SHANK2: variants seen among roughly 807,000 people sequenced by gnomAD.
The protein encoded by SHANK2 is SH3 and multiple ankyrin repeat domains protein 2.
SHANK2 carries 43 observed loss-of-function variants against 133.7 expected under a neutral mutation model. The observed-to-expected ratio is 0.32, with a 90% confidence interval of 0.25 to 0.41. The LOEUF (loss-of-function observed/expected upper bound fraction) is 0.41. Among genes scored for constraint, SHANK2 ranks in the 10% least tolerant of loss-of-function variants. The pLI, the probability that SHANK2 is intolerant of heterozygous loss-of-function variation, is 1.00. For synonymous variants in SHANK2, 1,017 were observed against 952.8 expected (o/e 1.07, Z -1.24); for missense variants, 1,994 against 2,235.8 (o/e 0.89, Z 2.18).
chr11:70,600,918 C>A (rs1162091083), intron 17 of SHANK2, among the ~76,000 whole-genome samples: 6 of 152,232 alleles, frequency 3.9e-5, no homozygotes, highest in African/African-American at 1.4e-4. Flanking sequence ...AGAAAAATCA[C>A]AAACTCTGAA....
chr11:71,168,273 T>C (rs1555111545), intron 2 of SHANK2, among the ~76,000 whole-genome samples: 1 of 121,564 alleles, frequency 8.2e-6, no homozygotes, highest in Non-Finnish European at 1.7e-5. Context: ...GGATGGCGGC[T>C]GGGAAGAGGC....
At position 70,521,285 on chromosome 11, in the gene SHANK2, C is replaced by T. The variant is rs193041860; in HGVS notation, c.2062-18354G>A. Among the ~76,000 whole-genome samples, 442 of 152,304 alleles carry T rather than the reference C, an allele frequency of 2.9e-3. 2 individuals carry two copies. The highest frequency in any genetic ancestry group is 9.7e-3 in the African/African-American group (403 of 41,556). On this transcript the variant is annotated intron_variant, in intron 17 of 25. Transcript: ENST00000601538. ...ATCTATCATTACTTTCAGACTAACA[C>T]CACCAATGTCATTACTCATAACAGG...
rs188808185 is a variant in SHANK2 at position 70,576,585 on chromosome 11, C to T, written c.2062-73654G>A. On this transcript the variant is annotated intron_variant, in intron 17 of 25. Coordinates refer to ENST00000601538, the MANE Select transcript of SHANK2 (RefSeq NM_012309.5). ...CCGGGAGGCGGAGCTTGCAGTGAGC[C>T]GAGATCTTGCCACTGCACTGCAGCC... 1.8e-3 allele frequency among the ~76,000 whole-genome samples: 269 copies of T among 152,074 alleles called. 4 individuals carry two copies. Among genetic ancestry groups the T allele is most frequent in the Admixed American group, 0.014 (218 of 15,262 alleles).
intron 14 of SHANK2, among the ~76,000 whole-genome samples, chr11:70,746,688 T>G (rs1447506665): frequency 6.6e-6 from 1 of 152,158 alleles, no homozygotes; most frequent in South Asian, 2.1e-4. Flanking sequence ...GTCTGGTCCC[T>G]GCCCTCCATC....
upstream of SHANK2, among the ~76,000 whole-genome samples, chr11:71,253,155 T>TG (rs1331968525): frequency 6.7e-6 from 1 of 149,362 alleles, no homozygotes; most frequent in Non-Finnish European, 1.5e-5. Flanking sequence ...GGGGGTGGGG[T>TG]GGGGGGAGCA....
In SHANK2 at chr11:71,230,786, A is replaced by C. The variant is rs74969967; in HGVS notation, c.-112-5990T>G. 2.0e-4 allele frequency among the ~76,000 whole-genome samples: 30 copies of C among 152,320 alleles called. 1 individual carries two copies. In the East Asian group the frequency reaches 5.2e-3, roughly 26 times the overall value. On this transcript the variant is annotated intron_variant, in intron 1 of 25. Transcript: ENST00000601538. ...AAACCCACACAAATATGCCCAACTG[A>C]TTGCTGATGAAGGTGCAAAAGCCAC...
At chr11:70,724,255 C>T (rs1299542228) in intron 14 of SHANK2, among the ~76,000 whole-genome samples, 4 of 152,078 alleles carry the variant, frequency 2.6e-5, no homozygotes, top group South Asian at 2.1e-4. Context: ...AGGCTGGTCT[C>T]GATCTCCTGA....
chr11:70,919,832 G>T (rs1950323609), intron 10 of SHANK2, among the ~76,000 whole-genome samples: 1 of 152,220 alleles, frequency 6.6e-6, no homozygotes, highest in Admixed American at 6.5e-5. Context: ...GCACATAAGT[G>T]AGATTGCATC....
rs142025329 is a variant in SHANK2, at chr11:71,199,724, G to A, written c.-13+24973C>T. Reference sequence around the variant, plus strand: ...AGGAACCGTGGAAGGAAAGCTGGCCGCACGGACACCGCACCCTGCCATAGG... The same window carrying A: ...AGGAACCGTGGAAGGAAAGCTGGCCACACGGACACCGCACCCTGCCATAGG... On this transcript the variant is annotated intron_variant, in intron 2 of 25. Coordinates refer to ENST00000601538, the MANE Select transcript of SHANK2 (RefSeq NM_012309.5). Among the ~76,000 whole-genome samples, 1,015 of 152,272 alleles carry A rather than the reference G, an allele frequency of 6.7e-3. 9 individuals are homozygous for A. Among genetic ancestry groups the A allele is most frequent in the African/African-American group, 0.023 (963 of 41,546 alleles).
chr11:70,658,246 G>GAC (rs1315015158), intron 17 of SHANK2, among the ~76,000 whole-genome samples: 167 of 121,984 alleles, frequency 1.4e-3, no homozygotes, highest in African/African-American at 4.1e-3. Context: ...CACACACACA[G>GAC]ACACACACAC....
intron 17 of SHANK2, among the ~76,000 whole-genome samples, chr11:70,582,313 G>T (rs1205620204): frequency 6.6e-6 from 1 of 152,260 alleles, no homozygotes; most frequent in Non-Finnish European, 1.5e-5. Context: ...CTCTACTACT[G>T]CTGACTGAAT....
chr11:71,168,685 C>T (rs1373337690), intron 2 of SHANK2, among the ~76,000 whole-genome samples: 3 of 152,122 alleles, frequency 2.0e-5, no homozygotes, highest in Non-Finnish European at 2.9e-5. Context: ...ACCAGTCAGG[C>T]GTGGCGGCGC....
Position 71,147,153 on chromosome 11 carries a change from C to T in SHANK2, c.174G>A (p.Val58=). ...RTEESQGNTL[V]IRVVIHDLQQ... is the part of the protein sequence containing the mutation. ...GCAGGTCATGGATGACCACGCGGATCACCAGCGTGTTGCCCTGGCTCTCCT... is the reference window on the plus strand; with the variant it reads ...GCAGGTCATGGATGACCACGCGGATTACCAGCGTGTTGCCCTGGCTCTCCT... The change falls in exon 3 of 26, where the codon GTG becomes GTA. Residue 58 remains valine (V), a synonymous_variant. Transcript: ENST00000601538. 3 of 1,550,090 alleles carry T rather than the reference C, an allele frequency of 1.9e-6. No homozygotes were observed. The highest frequency in any genetic ancestry group is 1.2e-5 in the South Asian group (1 of 84,022).
chr11:70,778,853 C>T (rs1947423119), intron 14 of SHANK2, among the ~76,000 whole-genome samples: 1 of 152,196 alleles, frequency 6.6e-6, no homozygotes, highest in Non-Finnish European at 1.5e-5. Flanking sequence ...AGGTTTCTAA[C>T]CCCGTGAATG....
chr11:70,836,852 C>G (rs561151173), intron 11 of SHANK2, among the ~76,000 whole-genome samples: 6 of 152,326 alleles, frequency 3.9e-5, no homozygotes, highest in African/African-American at 1.4e-4. Flanking sequence ...ACCCTAACCT[C>G]CCATGTCATG....
At chr11:70,729,260 G>A (rs1254522347) in intron 14 of SHANK2, among the ~76,000 whole-genome samples, 2 of 151,578 alleles carry the variant, frequency 1.3e-5, no homozygotes, top group Non-Finnish European at 2.9e-5. Flanking sequence ...CAACACAGAT[G>A]CGTCTCAGGA....
intron 17 of SHANK2, among the ~76,000 whole-genome samples, chr11:70,506,267 C>T (rs2059136431): frequency 6.6e-6 from 1 of 152,220 alleles, no homozygotes; most frequent in South Asian, 2.1e-4. Context: ...CTGCACAGGG[C>T]CAGGCTGGCT....
chr11:70,523,985 G>T (rs1029235365), intron 17 of SHANK2, among the ~76,000 whole-genome samples: 4 of 152,160 alleles, frequency 2.6e-5, no homozygotes, highest in Admixed American at 1.3e-4. Flanking sequence ...TGGCACATGA[G>T]GGGGCCTGGC....
chr11:70,735,129 G>A lies in SHANK2; in HGVS notation c.1778-36366C>T, dbSNP rs920485717. 3.9e-5 allele frequency among the ~76,000 whole-genome samples: 6 copies of A among 152,168 alleles called. No individual in the cohort carries two copies. In the East Asian group the frequency reaches 7.7e-4, roughly 20 times the overall value. On this transcript the variant is annotated intron_variant, in intron 14 of 25. Transcript: ENST00000601538. ...CCTCCCCCCAGGTGGGCAGGTTTTC[G>A]GGACTCTGCCCAATCTGTCAGGGAA...
Sources: allele counts gnomAD v4.1 joint callset (sites outside exome capture counted in the v4.1 genomes callset), GRCh38; gene constraint gnomAD v4.1.1; transcripts MANE v1.5; gene names NCBI Gene and HGNC (gene_info 2026-07-23, HGNC 2026-07-21).